The following PIK3C3 variants were observed in gnomAD, a reference collection of about 807,000 sequenced individuals.
PIK3C3 encodes PI3-kinase type 3.
In PIK3C3, 95 loss-of-function variants were observed where a neutral mutation model predicts 126.1. That is an observed-to-expected ratio of 0.75 (90% CI 0.64 to 0.89). The LOEUF (loss-of-function observed/expected upper bound fraction) is 0.89, where lower values mean the gene tolerates loss of function less well. Among genes scored for constraint, PIK3C3 ranks in the 40% least tolerant of loss-of-function variants. The pLI, the probability that PIK3C3 is intolerant of heterozygous loss-of-function variation, is 0.00. For missense variants in PIK3C3, 829 were observed against 1,063.2 expected, an observed-to-expected ratio of 0.78 and a Z score of 3.06; for synonymous variants, 374 against 360.0, an observed-to-expected ratio of 1.04 and a Z score of -0.44.
chr18:42,077,565 C>T (rs1292763951), intron 24 of PIK3C3, among the ~76,000 whole-genome samples: 1 of 152,208 alleles, frequency 6.6e-6, no homozygotes, highest in Non-Finnish European at 1.5e-5. Context: ...CTCATCTGCT[C>T]AAGTTTTATC....
intron 20 of PIK3C3, among the ~76,000 whole-genome samples, chr18:42,047,994 A>G (rs1242951288): frequency 1.3e-5 from 2 of 152,212 alleles, no homozygotes; most frequent in African/African-American, 4.8e-5. Context: ...ACCAGTGTGT[A>G]AATGAATGAG....
In PIK3C3 at chr18:42,085,956, T is replaced by TGC. The variant is rs1371753702; in HGVS notation, c.*4820_*4821insCG. On this transcript the variant is annotated 3_prime_UTR_variant, in exon 25 of 25. Transcript: ENST00000262039. Reference sequence around the variant, plus strand: ...ATATTTGTGTGTGTGTGTGTGTGTATGTGCGTGCACAAAAATTAGCTGAGT... The same window carrying TGC: ...ATATTTGTGTGTGTGTGTGTGTGTATGCGTGCGTGCACAAAAATTAGCTGAGT... The TGC allele has an allele frequency of 4.6e-5, 2 of 43,146 alleles. No individual in the cohort carries two copies. Among genetic ancestry groups the TGC allele is most frequent in the African/African-American group, 5.0e-4 (2 of 3,978 alleles). The allele number at this position is 43,146 out of a possible 1,614,324, so 2.7% of individuals were successfully genotyped here. A position where few individuals can be genotyped will look rare whatever the true frequency, so the allele number is the denominator to read the frequency against.
At position 41,993,335 on chromosome 18, in the gene PIK3C3, G is replaced by A. The variant is rs760057374; in HGVS notation, c.780G>A (p.Met260Ile). The A allele has an allele frequency of 3.7e-6, 6 of 1,600,496 alleles. No homozygotes were observed. The highest frequency in any genetic ancestry group is 2.2e-5 in the East Asian group (1 of 44,648). The change falls in exon 7 of 25, where the codon ATG (methionine) becomes ATA (isoleucine). Residue 260 changes from methionine to isoleucine, a missense_variant. Transcript: ENST00000262039. ...TAGTGAAAGTTCCTGACCCCCAGAT[G>A]TCTATGGTAAGTTATTGTGCAATTT... ...FELVKVPDPQMSMENLVESKH... is the reference protein window; with the variant it reads ...FELVKVPDPQISMENLVESKH...
At chr18:41,966,585 C>CTTGCT (rs1980383776) in intron 3 of PIK3C3, among the ~76,000 whole-genome samples, 1 of 152,092 alleles carries the variant, frequency 6.6e-6, no homozygotes, top group Admixed American at 6.5e-5. Flanking sequence ...TATTATTTAA[C>CTTGCT]ATTAGTGGGT....
intron 16 of PIK3C3, 111 bp downstream of exon 16, chr18:42,034,068 G>C (rs1055925593): frequency 1.4e-5 from 9 of 647,360 alleles, no homozygotes; most frequent in Non-Finnish European, 2.2e-5. Context: ...TATAATTCTA[G>C]TTGATTTAGT....
chr18:41,990,608 TA>T (rs1981727830), intron 6 of PIK3C3, 54 bp downstream of exon 6: 12 of 913,474 alleles, frequency 1.3e-5, no homozygotes, highest in South Asian at 1.1e-4. Flanking sequence ...GAGGAAACAT[TA>T]AAAAAATATT....
intron 15 of PIK3C3, 118 bp from the exon 16 acceptor site, chr18:42,033,708 T>G: frequency 1.5e-6 from 1 of 654,844 alleles, no homozygotes; most frequent in Non-Finnish European, 2.5e-6. Context: ...TCCTTTATAT[T>G]ATTTTGGTGC....
At chr18:42,049,073 C>T (rs1598931606) in intron 20 of PIK3C3, among the ~76,000 whole-genome samples, 1 of 152,108 alleles carries the variant, frequency 6.6e-6, no homozygotes, top group South Asian at 2.1e-4. Context: ...ATGTCTTTAC[C>T]ACTCAAATGA....
intron 19 of PIK3C3, among the ~76,000 whole-genome samples, chr18:42,042,314 T>C (rs1224280601): frequency 1.3e-5 from 2 of 152,222 alleles, no homozygotes; most frequent in African/African-American, 4.8e-5. Flanking sequence ...TGTATGAATT[T>C]CTCCAGATTT....
chr18:42,024,115 A>AC, intron 13 of PIK3C3, among the ~76,000 whole-genome samples: 1 of 152,216 alleles, frequency 6.6e-6, no homozygotes, highest in Non-Finnish European at 1.5e-5. Context: ...GTTTTCTATA[A>AC]CTTTTAAGAC....
rs1310586580 is a variant in PIK3C3 at position 42,084,380 on chromosome 18, A to G, written c.*3243A>G. ...TGCCAAATGGAAAATAATTTTTTAC[A>G]AGTAAATTTGAAGAACAATGTGAAC... is the stretch of plus-strand genomic sequence containing the variant. On this transcript the variant is annotated 3_prime_UTR_variant, in exon 25 of 25. Coordinates refer to ENST00000262039, the MANE Select transcript of PIK3C3 (RefSeq NM_002647.4). 6.6e-6 allele frequency: 1 copy of G among 152,124 alleles called. No individual in the cohort carries two copies. The allele number at this position is 152,124 out of a possible 1,614,324, so 9.4% of individuals were successfully genotyped here.
chr18:41,996,896 A>G (rs1204108177), intron 9 of PIK3C3, among the ~76,000 whole-genome samples, 166 bp downstream of exon 9: 1 of 152,150 alleles, frequency 6.6e-6, no homozygotes, highest in African/African-American at 2.4e-5. Context: ...AATTCTGCAT[A>G]CAAAGACACC....
chr18:41,981,732 G>T (rs1054749356), intron 4 of PIK3C3, among the ~76,000 whole-genome samples: 1 of 151,822 alleles, frequency 6.6e-6, no homozygotes, highest in Non-Finnish European at 1.5e-5. Context: ...GGCTGAGAAG[G>T]GTGGATCATT....
intron 10 of PIK3C3, among the ~76,000 whole-genome samples, chr18:42,005,749 A>G (rs141968957): frequency 6.9e-6 from 1 of 145,382 alleles, no homozygotes; most frequent in African/African-American, 2.4e-5. Context: ...CAAGAAGCAA[A>G]TTAAATATTT....
intron 24 of PIK3C3, among the ~76,000 whole-genome samples, chr18:42,072,573 C>T (rs939388465): frequency 1.1e-4 from 17 of 152,140 alleles, no homozygotes; most frequent in African/African-American, 3.9e-4. Context: ...TTCTGTCGCC[C>T]CCCACTGGAG....
At chr18:41,977,380 C>CA (rs1980975436) in intron 4 of PIK3C3, among the ~76,000 whole-genome samples, 1 of 152,138 alleles carries the variant, frequency 6.6e-6, no homozygotes, top group South Asian at 2.1e-4. Flanking sequence ...ATAGGAACCT[C>CA]AGTGTACAAA....
intron 20 of PIK3C3, 183 bp from the exon 21 acceptor site, chr18:42,049,348 T>G (rs953981910): frequency 2.3e-6 from 1 of 429,438 alleles, no homozygotes; most frequent in African/African-American, 2.0e-5. Flanking sequence ...TTTTCTCTTT[T>G]AAATAGTACT....
intron 9 of PIK3C3, among the ~76,000 whole-genome samples, chr18:42,001,972 G>A (rs922175435): frequency 6.6e-6 from 1 of 152,184 alleles, no homozygotes; most frequent in African/African-American, 2.4e-5. Flanking sequence ...TACAGAAAGG[G>A]AGCATTATAC....
At chr18:42,000,937 G>A (rs1982259366) in intron 9 of PIK3C3, among the ~76,000 whole-genome samples, 1 of 152,134 alleles carries the variant, frequency 6.6e-6, no homozygotes, top group African/African-American at 2.4e-5. Context: ...ATATCAGTAA[G>A]GATATATCGC....
Sources: allele counts gnomAD v4.1 joint callset (sites outside exome capture counted in the v4.1 genomes callset), GRCh38; gene constraint gnomAD v4.1.1; transcripts MANE v1.5; gene names NCBI Gene and HGNC (gene_info 2026-07-23, HGNC 2026-07-21).